Variants in ARRDC1 observed in about 807,000 individuals in gnomAD.
ARRDC1 encodes arrestin domain containing 1.
ARRDC1 carries 37 observed loss-of-function variants against 40.1 expected under a neutral mutation model. The observed-to-expected ratio is 0.92, with a 90% CI of 0.71 to 1.21. ARRDC1 has a LOEUF of 1.21. ARRDC1 is among the 50% of genes most tolerant of loss of function. ARRDC1 has a pLI of 0.00. For missense variants in ARRDC1, 641 were observed against 581.9 expected, an observed-to-expected ratio of 1.10 and a Z score of -1.04; for synonymous variants, 310 against 262.5, an observed-to-expected ratio of 1.18 and a Z score of -1.75.
chr9:137,613,883 G>T (rs1686696654), intron 4 of ARRDC1, 114 bp downstream of exon 4: 2 of 1,533,912 alleles, frequency 1.3e-6, no homozygotes, highest in Admixed American at 1.8e-5. Context: ...GGTGAGGGGG[G>T]CCAGGGTCTG....
At chr9:137,611,579 ACAACAAC>A (rs1033869140) in intron 1 of ARRDC1, 3 of 146,262 alleles carry the variant, frequency 2.1e-5, no homozygotes, top group South Asian at 2.1e-4. Flanking sequence ...AACAACAACA[ACAACAAC>A]AAAAAAACAA....
At chr9:137,610,962 G>A (rs927958783) in intron 1 of ARRDC1, among the ~76,000 whole-genome samples, 2 of 152,242 alleles carry the variant, frequency 1.3e-5, no homozygotes, top group Non-Finnish European at 1.5e-5. Flanking sequence ...CTCCCACAGT[G>A]CTGGGATTAC....
At chr9:137,607,220 C>G (rs1355847922) in intron 1 of ARRDC1, among the ~76,000 whole-genome samples, 1 of 152,214 alleles carries the variant, frequency 6.6e-6, no homozygotes, top group African/African-American at 2.4e-5. Flanking sequence ...GAGGGTGTAC[C>G]GGGGCCCCCG....
Position 137,605,794 on chromosome 9 carries a change from G to A in ARRDC1, c.77G>A (p.Gly26Glu). 4 of 1,308,526 alleles carry A rather than the reference G, an allele frequency of 3.1e-6. No homozygotes were observed. The highest frequency in any genetic ancestry group is 3.9e-6 in the Non-Finnish European group (4 of 1,029,084). The allele number at this position is 1,308,526 out of a possible 1,614,324, so 81.1% of individuals were successfully genotyped here. Reference protein sequence around the residue: ...VVYSPGEPLAGTVRVRLGAPL... With the variant: ...VVYSPGEPLAETVRVRLGAPL... ...TACAGCCCCGGGGAGCCGTTGGCTGGGACCGTGCGCGTGCGCCTGGGGGCA... is the reference window on the plus strand; with the variant it reads ...TACAGCCCCGGGGAGCCGTTGGCTGAGACCGTGCGCGTGCGCCTGGGGGCA... Residue 26 changes from glycine to glutamate, a missense_variant, in exon 1 of 8, where the codon GGG becomes GAG. Gly to Glu is a moderately conservative substitution (Grantham distance 98). Coordinates refer to ENST00000371421, the MANE Select transcript of ARRDC1 (RefSeq NM_152285.4).
rs756232027 is a variant in ARRDC1, at chr9:137,615,103, G to A, written c.1267G>A (p.Gly423Ser). Residue 423 changes from glycine (G) to serine (S), a missense_variant, in exon 8 of 8, where the codon GGC (glycine) becomes AGC (serine). Physicochemically the swap from Gly to Ser is moderately conservative, Grantham distance 56 (BLOSUM62 0). Coordinates refer to ENST00000371421, the MANE Select transcript of ARRDC1 (RefSeq NM_152285.4). ...CCCACCGTCTTATGAGCAGAGCTGC[G>A]GCGGCGTGGAACCCAGCCTGACCCC... ...EAPPSYEQSC[G>S]GVEPSLTPES 1.3e-5 allele frequency: 20 copies of A among 1,564,140 alleles called. No individual in the cohort carries two copies. The highest frequency in any genetic ancestry group is 4.1e-5 in the African/African-American group (3 of 73,806).
intron 2 of ARRDC1, 102 bp from the exon 3 acceptor site, chr9:137,613,358 T>C (rs1015315435): frequency 1.5e-6 from 2 of 1,304,556 alleles, no homozygotes; most frequent in Non-Finnish European, 2.1e-6. Flanking sequence ...GGAGACCCAG[T>C]GTGAGCTGGT....
intron 3 of ARRDC1, 46 bp downstream of exon 3, chr9:137,613,556 G>A: frequency 1.9e-6 from 3 of 1,614,002 alleles, no homozygotes; most frequent in Non-Finnish European, 2.5e-6. Flanking sequence ...AACTGGTCCT[G>A]GGAGGTGGGC....
intron 1 of ARRDC1, 92 bp from the exon 2 acceptor site, chr9:137,612,804 C>A: frequency 1.1e-6 from 1 of 948,490 alleles, no homozygotes. Flanking sequence ...CCAGGTGGTG[C>A]TGCTTGGCCC....
intron 1 of ARRDC1, among the ~76,000 whole-genome samples, chr9:137,608,068 C>T (rs1049515334): frequency 4.6e-5 from 7 of 152,094 alleles, no homozygotes; most frequent in African/African-American, 1.4e-4. Context: ...CTGCAAGCTC[C>T]GCCTCCCCGG....
In ARRDC1 at chr9:137,614,457, C is replaced by G. The variant is rs759214758; in HGVS notation, c.777C>G (p.His259Gln). The G allele has an allele frequency of 1.2e-6, 2 of 1,613,438 alleles. No individual in the cohort carries two copies. The highest frequency in any genetic ancestry group is 8.5e-7 in the Non-Finnish European group (1 of 1,179,950). Residue 259 changes from histidine to glutamine, a missense_variant, in exon 6 of 8, where the codon CAC (histidine) becomes CAG (glutamine). Transcript: ENST00000371421. The stretch of plus-strand genomic sequence containing the variant: ...CCCTGCCGGGCTGCAGCCTCATCCA[C>G]ATCGACTACTACTTACAGGTTTGGT... Reference protein sequence around the residue: ...QSALPGCSLIHIDYYLQVSLK... With the variant: ...QSALPGCSLIQIDYYLQVSLK...
chr9:137,613,620 G>A lies in ARRDC1; in HGVS notation c.286G>A (p.Ala96Thr), dbSNP rs1192005148. The change falls in exon 4 of 8, where the codon GCA becomes ACA. Residue 96 changes from alanine to threonine, a missense_variant. Coordinates refer to ENST00000371421, the MANE Select transcript of ARRDC1 (RefSeq NM_152285.4). ...FPFQFLLPAT[A>T]PTSFEGPFGK... ...AGTGCCTGCTCTCTCCCCAGCCACT[G>A]CACCCACGTCCTTTGAGGGTCCTTT... 2 of 1,614,230 alleles carry A rather than the reference G, an allele frequency of 1.2e-6. No homozygotes were observed. The highest frequency in any genetic ancestry group is 1.7e-5 in the Admixed American group (1 of 60,026).
At chr9:137,606,042 G>T (rs564725780) in intron 1 of ARRDC1, among the ~76,000 whole-genome samples, 1 of 151,792 alleles carries the variant, frequency 6.6e-6, no homozygotes, top group South Asian at 2.1e-4. Flanking sequence ...CTCTCGCCGA[G>T]GGGCGGCGGG....
chr9:137,614,904 A>C lies in ARRDC1; in HGVS notation c.1141A>C (p.Thr381Pro), dbSNP rs760125003. 2 of 1,613,832 alleles carry C rather than the reference A, an allele frequency of 1.2e-6. No homozygotes were observed. The highest frequency in any genetic ancestry group is 1.7e-6 in the Non-Finnish European group (2 of 1,179,992). ...TCCCTTGTGCATTTCAACAGGTGCC[A>C]CTGTCCCCTACTTTGCAGAGGGCTC... ...HPPLCISTGA[T>P]VPYFAEGSGG... The change falls in exon 7 of 8, where the codon ACT becomes CCT. Residue 381 changes from threonine (T) to proline (P), a missense_variant. Thr to Pro is a conservative substitution (Grantham distance 38). Transcript: ENST00000371421.
Position 137,614,834 on chromosome 9 carries a change from G to A in ARRDC1, c.1071G>A (p.Glu357=), listed in dbSNP as rs746456435. 11 of 1,613,214 alleles carry A rather than the reference G, an allele frequency of 6.8e-6. No homozygotes were observed. Among genetic ancestry groups the A allele is most frequent in the Middle Eastern group, 3.3e-4 (2 of 6,082 alleles). The change falls in exon 7 of 8, where the codon GAG becomes GAA. Residue 357 remains glutamate (E), a synonymous_variant. Transcript: ENST00000371421. ...TGAGTTCTGTGCCTGGTGCGCCGGA[G>A]CCCTGCCCTCAGGATGGCAGCCCTG... ...ATLSSVPGAP[E]PCPQDGSPAS...
chr9:137,611,119 G>A (rs755852133), intron 1 of ARRDC1, among the ~76,000 whole-genome samples: 10 of 152,176 alleles, frequency 6.6e-5, no homozygotes, highest in Non-Finnish European at 1.3e-4. Context: ...ACCCTCCTCT[G>A]TGCCTGCTCA....
In ARRDC1 at chr9:137,614,370, C is replaced by G; in HGVS notation, c.690C>G (p.Val230=). The stretch of plus-strand genomic sequence containing the variant: ...TTGCGGAGGTGGAGGGTGCGGGCGT[C>G]AAGGCCTGGCGGCGGGCGCAGTGGC... ...RTIAEVEGAG[V]KAWRRAQWHE... The change falls in exon 6 of 8, where the codon GTC becomes GTG. Residue 230 remains valine (V), a synonymous_variant. Coordinates refer to ENST00000371421, the MANE Select transcript of ARRDC1 (RefSeq NM_152285.4). 2.5e-6 allele frequency: 4 copies of G among 1,613,238 alleles called. No homozygotes were observed. Among genetic ancestry groups the G allele is most frequent in the Non-Finnish European group, 3.4e-6 (4 of 1,179,744 alleles).
chr9:137,614,284 C>T lies in ARRDC1; in HGVS notation c.619-15C>T. On this transcript the variant is annotated splice_polypyrimidine_tract_variant and intron_variant, in intron 5 of 7. Transcript: ENST00000371421. Reference sequence around the variant, plus strand: ...CTGGCAGCCTGCGCAGGCTCACAGGCTGGTCCTTCCCCAGAAAGTGTCCTA... The same window carrying T: ...CTGGCAGCCTGCGCAGGCTCACAGGTTGGTCCTTCCCCAGAAAGTGTCCTA... 1 of 1,583,818 alleles carries T rather than the reference C, an allele frequency of 6.3e-7. No homozygotes were observed. Among genetic ancestry groups the T allele is most frequent in the Non-Finnish European group, 8.6e-7 (1 of 1,163,020 alleles).
intron 1 of ARRDC1, among the ~76,000 whole-genome samples, chr9:137,610,355 A>G (rs967150997): frequency 2.6e-5 from 4 of 151,788 alleles, no homozygotes; most frequent in African/African-American, 9.7e-5. Context: ...TCTGGGGACC[A>G]CTGCCCCCTT....
In ARRDC1 at chr9:137,605,690, C is replaced by A; in HGVS notation, c.-28C>A. The A allele has an allele frequency of 7.6e-7, 1 of 1,312,442 alleles. No homozygotes were observed. Among genetic ancestry groups the A allele is most frequent in the Non-Finnish European group, 9.7e-7 (1 of 1,028,242 alleles). 81.3% of individuals were successfully genotyped at this position (1,312,442 alleles called of 1,614,324 possible). On this transcript the variant is annotated 5_prime_UTR_variant, in exon 1 of 8. In the 5' UTR this introduces an upstream ATG that the reference lacks. Transcript: ENST00000371421. ...TCGCGGGCGGCGGGCGGGGGCGTCGCTGCGCGGCTGGCCGGTGAGGCCGCG... is the reference window on the plus strand; with the variant it reads ...TCGCGGGCGGCGGGCGGGGGCGTCGATGCGCGGCTGGCCGGTGAGGCCGCG...
Sources: allele counts gnomAD v4.1 joint callset (sites outside exome capture counted in the v4.1 genomes callset), GRCh38; gene constraint gnomAD v4.1.1; transcripts MANE v1.5; gene names NCBI Gene and HGNC (gene_info 2026-07-23, HGNC 2026-07-21).